The following LPP variants were observed in gnomAD, a reference collection of about 807,000 sequenced individuals.
LPP encodes lipoma-preferred partner.
A neutral mutation model predicts 60.4 loss-of-function variants in LPP; 38 were observed. That is an observed-to-expected ratio of 0.63 (90% CI 0.49 to 0.83). The LOEUF (loss-of-function observed/expected upper bound fraction) is 0.83, where lower values mean the gene tolerates loss of function less well. Ranked by LOEUF, LPP falls within the 40% of genes least tolerant of loss-of-function variation. The probability of loss-of-function intolerance (pLI) is 0.00; values close to 1 mark genes in which losing one functional copy is unlikely to be tolerated. For missense variants in LPP, 902 were observed against 783.6 expected (o/e 1.15, Z -1.80); for synonymous variants, 328 against 290.8 (o/e 1.13, Z -1.30).
At chr3:188,293,094 AGCT>A (rs1193671820) in intron 2 of LPP, among the ~76,000 whole-genome samples, 4 of 152,206 alleles carry the variant, frequency 2.6e-5, no homozygotes, top group African/African-American at 9.6e-5. Flanking sequence ...ATTTTATTTG[AGCT>A]GGCATTGACT....
At chr3:188,806,576 A>T (rs887400489) in intron 9 of LPP, among the ~76,000 whole-genome samples, 1 of 151,888 alleles carries the variant, frequency 6.6e-6, no homozygotes, top group African/African-American at 2.4e-5. Flanking sequence ...ATTGAAATTC[A>T]CAATCAGCTT....
intron 1 of LPP, chr3:188,179,606 T>A (rs1415230074): frequency 2.5e-6 from 1 of 401,024 alleles, no homozygotes; most frequent in Non-Finnish European, 5.0e-6. Context: ...CCTTCTAGTT[T>A]ACTAGAACTC....
At chr3:188,422,072 G>T (rs1033561930) in intron 4 of LPP, among the ~76,000 whole-genome samples, 2 of 152,148 alleles carry the variant, frequency 1.3e-5, no homozygotes, top group African/African-American at 2.4e-5. Context: ...TTCTCATGGG[G>T]CTAGTACCAG....
intron 6 of LPP, among the ~76,000 whole-genome samples, chr3:188,577,789 C>CTTT: frequency 7.3e-6 from 1 of 136,662 alleles, no homozygotes; most frequent in South Asian, 2.5e-4. Context: ...TCTGTCCTTC[C>CTTT]CTTCCCTCCC....
chr3:188,402,952 G>A (rs1035766), intron 3 of LPP, among the ~76,000 whole-genome samples: 59,091 of 151,986 alleles, frequency 0.39, 11,834 homozygotes, highest in South Asian at 0.57. Flanking sequence ...GAGGGAAACG[G>A]CATTGTTGAT....
chr3:188,722,790 G>A (rs755243301), intron 8 of LPP, among the ~76,000 whole-genome samples: 3 of 152,086 alleles, frequency 2.0e-5, no homozygotes, highest in East Asian at 1.9e-4. Context: ...TAAATAAGTC[G>A]GTATGAAAAA....
chr3:188,318,750 A>ATTTTT (rs1578073052), intron 2 of LPP, among the ~76,000 whole-genome samples: 3 of 120,516 alleles, frequency 2.5e-5, no homozygotes, highest in African/African-American at 9.8e-5. Flanking sequence ...AAAAATTATG[A>ATTTTT]TTCTTTTTTT....
intron 2 of LPP, among the ~76,000 whole-genome samples, chr3:188,249,872 T>C (rs1287578392): frequency 1.1e-5 from 1 of 93,474 alleles, no homozygotes; most frequent in Non-Finnish European, 2.1e-5. Context: ...ACACACACAG[T>C]CTCCCCCACC....
chr3:188,262,632 CTT>C (rs544413386), intron 2 of LPP, among the ~76,000 whole-genome samples: 381 of 151,936 alleles, frequency 2.5e-3, no homozygotes, highest in African/African-American at 6.3e-3. Context: ...CTCTCTCTCT[CTT>C]GTCTCTCTCT....
At position 188,872,869 on chromosome 3, in the gene LPP, G is replaced by A; in HGVS notation, c.1710+106G>A. On this transcript the variant is annotated intron_variant, in intron 11 of 11. Coordinates refer to ENST00000617246, the MANE Select transcript of LPP (RefSeq NM_001375462.1). The stretch of plus-strand genomic sequence containing the variant: ...ATTACTAAATCTCAGAACGGCCTTA[G>A]TGCCTGTACTCATAGGACTTGGGTT... 4 of 1,456,194 alleles carry A rather than the reference G, an allele frequency of 2.7e-6. No homozygotes were observed. The Admixed American group carries it at 8.3e-5, about 30-fold the overall frequency. The allele number at this position is 1,456,194 out of a possible 1,614,324, so 90.2% of individuals were successfully genotyped here. A position where few individuals can be genotyped will look rare whatever the true frequency, so the allele number is the denominator to read the frequency against.
At chr3:188,637,533 T>G (rs1415310297) in intron 7 of LPP, among the ~76,000 whole-genome samples, 1 of 149,396 alleles carries the variant, frequency 6.7e-6, no homozygotes, top group Non-Finnish European at 1.5e-5. Context: ...CTGAAGGAAA[T>G]AGATACATAA....
chr3:188,155,498 C>T (rs1288501296), intron 1 of LPP, among the ~76,000 whole-genome samples: 2 of 152,198 alleles, frequency 1.3e-5, no homozygotes, highest in Non-Finnish European at 2.9e-5. Context: ...TGTGGCTAGG[C>T]ACCTTTACAA....
At position 188,598,439 on chromosome 3, in the gene LPP, A is replaced by G. The variant is rs138294361; in HGVS notation, c.430-10722A>G. 5.4e-3 allele frequency among the ~76,000 whole-genome samples: 818 copies of G among 152,260 alleles called. 10 individuals are homozygous for G. The highest frequency in any genetic ancestry group is 0.018 in the African/African-American group (752 of 41,556). Reference sequence around the variant, plus strand: ...TAGTGGACTGGACTAGGGCACCAATAAGTTAATAGAAGTAGAAACATTGAC... The same window carrying G: ...TAGTGGACTGGACTAGGGCACCAATGAGTTAATAGAAGTAGAAACATTGAC... On this transcript the variant is annotated intron_variant, in intron 6 of 11. Coordinates refer to ENST00000617246, the MANE Select transcript of LPP (RefSeq NM_001375462.1).
At chr3:188,185,099 G>A (rs1469753959) in intron 1 of LPP, among the ~76,000 whole-genome samples, 1 of 152,092 alleles carries the variant, frequency 6.6e-6, no homozygotes, top group Non-Finnish European at 1.5e-5. Flanking sequence ...TTGCAGAGAC[G>A]CCTTCTTTTT....
rs764775583 is a variant in LPP, at chr3:188,545,020, C to T, written c.429+20233C>T. ...ATCGCAAGAACAAAAAACCAAACACCGCATATTCTCACTCATAGGTGGGAA... is the reference window on the plus strand; with the variant it reads ...ATCGCAAGAACAAAAAACCAAACACTGCATATTCTCACTCATAGGTGGGAA... On this transcript the variant is annotated intron_variant, in intron 6 of 11. Coordinates refer to ENST00000617246, the MANE Select transcript of LPP (RefSeq NM_001375462.1). 1.0e-3 allele frequency among the ~76,000 whole-genome samples: 72 copies of T among 71,604 alleles called. 1 individual carries two copies. Among genetic ancestry groups the T allele is most frequent in the South Asian group, 1.8e-3 (3 of 1,696 alleles). The allele number at this position is 71,604 out of a possible 152,430, so 47.0% of individuals were successfully genotyped here. A position where few individuals can be genotyped will look rare whatever the true frequency, so the allele number is the denominator to read the frequency against.
intron 7 of LPP, among the ~76,000 whole-genome samples, chr3:188,706,355 T>C (rs1449816211): frequency 6.6e-6 from 1 of 152,210 alleles, no homozygotes; most frequent in African/African-American, 2.4e-5. Context: ...GCATATGCCA[T>C]AGTTTACTCA....
chr3:188,255,177 C>A (rs560231050), intron 2 of LPP, among the ~76,000 whole-genome samples: 1 of 152,292 alleles, frequency 6.6e-6, no homozygotes, highest in South Asian at 2.1e-4. Flanking sequence ...GGGAAAGGAG[C>A]AGAGAAGGTA....
At chr3:188,481,176 C>T (rs1398327984) in intron 4 of LPP, among the ~76,000 whole-genome samples, 3 of 152,126 alleles carry the variant, frequency 2.0e-5, no homozygotes, top group African/African-American at 7.2e-5. Flanking sequence ...CATTGAAACT[C>T]TCCCGGTTAG....
intron 4 of LPP, among the ~76,000 whole-genome samples, chr3:188,422,828 A>G (rs1461551810): frequency 6.6e-6 from 1 of 151,528 alleles, no homozygotes; most frequent in East Asian, 1.9e-4. Flanking sequence ...GTTCTAACCT[A>G]TATGCGTTTC....
Sources: allele counts gnomAD v4.1 joint callset (sites outside exome capture counted in the v4.1 genomes callset), GRCh38; gene constraint gnomAD v4.1.1; transcripts MANE v1.5; gene names NCBI Gene and HGNC (gene_info 2026-07-23, HGNC 2026-07-21).